PARP15: variants seen among roughly 807,000 people sequenced by gnomAD.
PARP15 encodes protein mono-ADP-ribosyltransferase PARP15.
PARP15 carries 50 observed loss-of-function variants against 62.1 expected under a neutral mutation model. That is an observed-to-expected ratio of 0.81 (90% confidence interval 0.64 to 1.02). The LOEUF (loss-of-function observed/expected upper bound fraction) is 1.02, where lower values mean the gene tolerates loss of function less well. Ranked by LOEUF, PARP15 falls within the 50% of genes least tolerant of loss-of-function variation. The pLI is 0.00. For missense variants in PARP15, 820 were observed against 826.5 expected (o/e 0.99, Z 0.10); for synonymous variants, 309 against 293.1 (o/e 1.05, Z -0.55).
intron 1 of PARP15, among the ~76,000 whole-genome samples, chr3:122,596,323 TCCAGCCTGG>T (rs1934340740): frequency 7.9e-6 from 1 of 125,844 alleles, no homozygotes; most frequent in Admixed American, 1.0e-4. Flanking sequence ...GCCACTGTAC[TCCAGCCTGG>T]CAACAGAGCG....
At chr3:122,612,868 ACT>A (rs1054749892) in intron 3 of PARP15, among the ~76,000 whole-genome samples, 171 bp from the exon 4 acceptor site, 9 of 151,754 alleles carry the variant, frequency 5.9e-5, no homozygotes, top group Admixed American at 5.3e-4. Flanking sequence ...AATGAGTGTG[ACT>A]CTCTCTGGAA....
chr3:122,578,367 T>C (rs558993879), intron 1 of PARP15, among the ~76,000 whole-genome samples: 2 of 152,324 alleles, frequency 1.3e-5, no homozygotes, highest in African/African-American at 4.8e-5. Flanking sequence ...TGAACTGATG[T>C]ATTTTTTACA....
chr3:122,632,242 T>A (rs1414392315), intron 10 of PARP15, 23 bp downstream of exon 10: 1 of 1,601,340 alleles, frequency 6.2e-7, no homozygotes, highest in Non-Finnish European at 8.5e-7. Context: ...TAAAATTTAC[T>A]GTTCAAAAAT....
intron 7 of PARP15, among the ~76,000 whole-genome samples, chr3:122,621,115 G>C (rs1490209399): frequency 6.6e-6 from 1 of 152,158 alleles, no homozygotes; most frequent in Non-Finnish European, 1.5e-5. Context: ...TTTAGCTACT[G>C]ACCTTACCTC....
At chr3:122,627,786 A>G (rs1936826833) in intron 9 of PARP15, among the ~76,000 whole-genome samples, 1 of 152,242 alleles carries the variant, frequency 6.6e-6, no homozygotes. Flanking sequence ...AGTTCTCTCT[A>G]CATTTATTTC....
At chr3:122,587,637 T>A (rs1263377934) in intron 1 of PARP15, among the ~76,000 whole-genome samples, 3 of 152,208 alleles carry the variant, frequency 2.0e-5, no homozygotes, top group Non-Finnish European at 4.4e-5. Context: ...CAAGTGATCC[T>A]TCCACCTCAG....
chr3:122,600,749 G>A (rs904041688), intron 1 of PARP15, among the ~76,000 whole-genome samples: 32 of 151,102 alleles, frequency 2.1e-4, no homozygotes, highest in African/African-American at 7.6e-4. Context: ...GCCCATTCTC[G>A]TTAGTATGTT....
chr3:122,594,952 G>A (rs1239314770), intron 1 of PARP15: 2 of 838,572 alleles, frequency 2.4e-6, no homozygotes, highest in Non-Finnish European at 2.9e-6. Context: ...CCAGAGGAGG[G>A]TTCAGCCCTG....
rs778392799 is a variant in PARP15 at position 122,635,961 on chromosome 3, T to C, written c.1898T>C (p.Val633Ala). The C allele has an allele frequency of 2.5e-6, 4 of 1,614,022 alleles. No individual in the cohort carries two copies. The South Asian group carries it at 4.4e-5, about 18-fold the overall frequency. ...TTCACAAAGGGACGTGCAGGATTAGTCACCCCTCCACCCAAGAATCCTCAC... is the reference window on the plus strand; with the variant it reads ...TTCACAAAGGGACGTGCAGGATTAGCCACCCCTCCACCCAAGAATCCTCAC... Reference protein sequence around the residue: ...GVFTKGRAGLVTPPPKNPHNP... With the variant: ...GVFTKGRAGLATPPPKNPHNP... Residue 633 changes from valine to alanine, a missense_variant, in exon 12 of 12, where the codon GTC (valine) becomes GCC (alanine). Val to Ala is a moderately conservative substitution (Grantham distance 64). Around this residue, in one of 3 missense-constraint regions of PARP15, gnomAD observed 84 missense variants for 79.7 expected, o/e 1.05. Coordinates refer to ENST00000464300, the MANE Select transcript of PARP15 (RefSeq NM_001113523.3).
chr3:122,604,705 CA>C (rs1559950383), intron 1 of PARP15, among the ~76,000 whole-genome samples: 2 of 151,910 alleles, frequency 1.3e-5, no homozygotes, highest in East Asian at 3.9e-4. Context: ...TGTAAAGATA[CA>C]AAAAATTAGA....
chr3:122,626,398 C>G (rs1262098166), intron 8 of PARP15, among the ~76,000 whole-genome samples: 1 of 151,976 alleles, frequency 6.6e-6, no homozygotes, highest in Non-Finnish European at 1.5e-5. Context: ...TGGGGTTTCA[C>G]CATGTTAGCC....
chr3:122,617,793 A>G (rs1936083460), intron 6 of PARP15, among the ~76,000 whole-genome samples: 1 of 152,134 alleles, frequency 6.6e-6, no homozygotes, highest in African/African-American at 2.4e-5. Flanking sequence ...CAGTGGTGCA[A>G]TCTTGGCTCA....
chr3:122,619,902 T>A, intron 7 of PARP15, 59 bp downstream of exon 7: 3 of 1,453,808 alleles, frequency 2.1e-6, no homozygotes, highest in Non-Finnish European at 2.9e-6. Flanking sequence ...GAGATTACAG[T>A]GAGAGGATGT....
rs1241237921 is a variant in PARP15, at chr3:122,635,055, C to A, written c.1608C>A (p.Ser536Arg). The change falls in exon 11 of 12, where the codon AGC (serine) becomes AGA (arginine). Residue 536 changes from serine to arginine, a missense_variant. Physicochemically the swap from Ser to Arg is moderately radical, Grantham distance 110. Transcript: ENST00000464300. Reference protein sequence around the residue: ...ERIQNAFLWQSYQVKKRQMDI... With the variant: ...ERIQNAFLWQRYQVKKRQMDI... Reference sequence around the variant, plus strand: ...TACAGAATGCATTTCTCTGGCAGAGCTACCAGGTAAAGAAAAGGCAAATGG... The same window carrying A: ...TACAGAATGCATTTCTCTGGCAGAGATACCAGGTAAAGAAAAGGCAAATGG... 1 of 1,613,876 alleles carries A rather than the reference C, an allele frequency of 6.2e-7. No individual in the cohort carries two copies. The highest frequency in any genetic ancestry group is 1.3e-5 in the African/African-American group (1 of 74,922).
At chr3:122,626,196 CTTTT>C (rs34106420) in intron 8 of PARP15, among the ~76,000 whole-genome samples, 6 of 122,102 alleles carry the variant, frequency 4.9e-5, no homozygotes, top group African/African-American at 9.5e-5. Flanking sequence ...AGCTGTCACT[CTTTT>C]TTTTTTTTTT....
At chr3:122,577,914 A>G (rs2080715129) in intron 1 of PARP15, 61 bp downstream of exon 1, 4 of 1,450,868 alleles carry the variant, frequency 2.8e-6, no homozygotes, top group Non-Finnish European at 3.6e-6. Context: ...GGGGCCCGCA[A>G]GACCCAGCAG....
chr3:122,585,845 A>T (rs1933382187), intron 1 of PARP15, among the ~76,000 whole-genome samples: 1 of 152,230 alleles, frequency 6.6e-6, no homozygotes, highest in African/African-American at 2.4e-5. Context: ...CTTGTGTTCC[A>T]TTGTGTCAAT....
chr3:122,596,451 C>T (rs563269379), intron 1 of PARP15, among the ~76,000 whole-genome samples: 2 of 151,052 alleles, frequency 1.3e-5, no homozygotes, highest in South Asian at 4.2e-4. Flanking sequence ...TTGCATTACC[C>T]ATGGCCTTTC....
intron 8 of PARP15, among the ~76,000 whole-genome samples, chr3:122,623,173 C>A (rs1225843910): frequency 1.3e-5 from 2 of 152,128 alleles, no homozygotes; most frequent in African/African-American, 4.8e-5. Context: ...CTTTTTGTTT[C>A]TTTTATTCAT....
Sources: gnomAD v4.1 joint callset for allele counts (sites outside exome capture counted in the v4.1 genomes callset) on GRCh38, gnomAD v4.1.1 for gene constraint, gnomAD v4.1.1 regional missense constraint, MANE v1.5 for transcripts, NCBI Gene and HGNC (gene_info 2026-07-23, HGNC 2026-07-21) for gene names.